The following DENND1A variants were observed in gnomAD, a reference collection of about 807,000 sequenced individuals.
The protein encoded by DENND1A is DENN domain containing 1A.
Under a neutral mutation model 113.7 loss-of-function variants are expected in DENND1A, and 51 were observed. The ratio of observed to expected loss-of-function variants is 0.45; its 90% CI spans 0.36 to 0.57. The LOEUF is 0.57. DENND1A is among the 20% of genes least tolerant of loss of function. DENND1A has a pLI of 0.00. For missense variants in DENND1A, 1,258 were observed against 1,395.9 expected, an observed-to-expected ratio of 0.90 and a Z score of 1.57; for synonymous variants, 565 against 570.8, an observed-to-expected ratio of 0.99 and a Z score of 0.14.
Position 123,522,384 on chromosome 9 carries a change from C to A in DENND1A, c.993+35186G>T, listed in dbSNP as rs147046088. On this transcript the variant is annotated intron_variant, in intron 13 of 23. Transcript: ENST00000394215. ...AAGGGAATGCTGTGCAGAGAGTGGT[C>A]GTGTGGGCAGGCCTGGTGCATGGGA... 2.0e-5 allele frequency among the ~76,000 whole-genome samples: 3 copies of A among 152,248 alleles called. No homozygotes were observed. In the South Asian group the frequency reaches 6.2e-4, roughly 32 times the overall value.
chr9:123,466,762 T>C (rs1042975717), intron 13 of DENND1A, among the ~76,000 whole-genome samples: 3 of 152,078 alleles, frequency 2.0e-5, no homozygotes, highest in African/African-American at 7.2e-5. Flanking sequence ...ATATGATAGG[T>C]TTCCTTGGTC....
At chr9:123,848,499 CA>C (rs1208108498) in intron 2 of DENND1A, among the ~76,000 whole-genome samples, 1 of 152,074 alleles carries the variant, frequency 6.6e-6, no homozygotes, top group African/African-American at 2.4e-5. Context: ...TTCCACCAAC[CA>C]GCCATTCTCC....
At chr9:123,637,919 ACACACACACACACG>A (rs1350763413) in intron 9 of DENND1A, among the ~76,000 whole-genome samples, 2 of 104,670 alleles carry the variant, frequency 1.9e-5, no homozygotes, top group African/African-American at 8.1e-5. Context: ...AAACACACAC[ACACACACACACACG>A]CACACACACA....
intron 5 of DENND1A, among the ~76,000 whole-genome samples, chr9:123,697,957 A>C (rs2065629562): frequency 6.6e-6 from 1 of 152,236 alleles, no homozygotes; most frequent in South Asian, 2.1e-4. Context: ...CTCCTGTCTT[A>C]CTTAGGCCAC....
At chr9:123,884,993 G>A (rs966445145) in intron 1 of DENND1A, among the ~76,000 whole-genome samples, 5 of 127,020 alleles carry the variant, frequency 3.9e-5, no homozygotes, top group East Asian at 2.0e-4. Context: ...CTGCGAGCGC[G>A]CGCGCACACA....
At chr9:123,868,522 T>C (rs1384175305) in intron 2 of DENND1A, among the ~76,000 whole-genome samples, 2 of 152,208 alleles carry the variant, frequency 1.3e-5, no homozygotes, top group African/African-American at 4.8e-5. Context: ...TGCCCCATTT[T>C]AGAGTTGAGA....
At chr9:123,767,306 C>T (rs2131588930) in intron 4 of DENND1A, among the ~76,000 whole-genome samples, 1 of 151,688 alleles carries the variant, frequency 6.6e-6, no homozygotes, top group Non-Finnish European at 1.5e-5. Flanking sequence ...TATCAACACC[C>T]ATAGGGTATG....
intron 2 of DENND1A, among the ~76,000 whole-genome samples, chr9:123,824,432 G>A (rs1838987454): frequency 6.6e-6 from 1 of 152,142 alleles, no homozygotes; most frequent in African/African-American, 2.4e-5. Context: ...GTTGTTTGCT[G>A]AATGCGATGT....
intron 13 of DENND1A, among the ~76,000 whole-genome samples, chr9:123,467,293 C>T (rs550541251): frequency 2.0e-5 from 3 of 152,140 alleles, no homozygotes; most frequent in African/African-American, 7.2e-5. Context: ...GATGGCGAGG[C>T]CCCATGGAGA....
At chr9:123,579,435 G>A (rs1453836077) in intron 12 of DENND1A, among the ~76,000 whole-genome samples, 1 of 152,080 alleles carries the variant, frequency 6.6e-6, no homozygotes, top group Non-Finnish European at 1.5e-5. Flanking sequence ...ATTCACTGAT[G>A]GAATAGTTTT....
intron 13 of DENND1A, among the ~76,000 whole-genome samples, chr9:123,509,112 G>C (rs1024846880): frequency 6.6e-6 from 1 of 152,162 alleles, no homozygotes; most frequent in African/African-American, 2.4e-5. Flanking sequence ...CTGTCTTAAA[G>C]GTGAGTAGGG....
chr9:123,699,688 C>CTTTTTTTTT (rs34215948), intron 5 of DENND1A, among the ~76,000 whole-genome samples: 144 of 112,426 alleles, frequency 1.3e-3, no homozygotes, highest in African/African-American at 2.3e-3. Flanking sequence ...TTCTTTCTTT[C>CTTTTTTTTT]TTTTTTTTTT....
chr9:123,785,540 C>T (rs1460022095), intron 3 of DENND1A, among the ~76,000 whole-genome samples: 1 of 152,048 alleles, frequency 6.6e-6, no homozygotes, highest in Non-Finnish European at 1.5e-5. Context: ...TTTAAACTAG[C>T]TAATTGTCAA....
At chr9:123,927,186 G>C (rs2134237245) in intron 1 of DENND1A, among the ~76,000 whole-genome samples, 1 of 152,344 alleles carries the variant, frequency 6.6e-6, no homozygotes, top group Middle Eastern at 3.4e-3. Context: ...AAACTTAAAA[G>C]AGAAGTCTGA....
intron 2 of DENND1A, chr9:123,843,007 C>T (rs776348530): frequency 6.6e-5 from 29 of 439,850 alleles, no homozygotes; most frequent in African/African-American, 1.4e-4. Flanking sequence ...CTTCCCCAAG[C>T]GAGAGAGATA....
intron 3 of DENND1A, among the ~76,000 whole-genome samples, chr9:123,771,935 T>G (rs945009798): frequency 1.3e-5 from 2 of 152,174 alleles, no homozygotes; most frequent in Admixed American, 1.3e-4. Flanking sequence ...AATATGTTCC[T>G]TCATGTTTGT....
intron 19 of DENND1A, among the ~76,000 whole-genome samples, chr9:123,438,768 A>T (rs2046707683): frequency 6.6e-6 from 1 of 152,110 alleles, no homozygotes; most frequent in South Asian, 2.1e-4. Context: ...TTTATCCCCC[A>T]CCCGTGCACA....
chr9:123,532,050 G>A (rs2055365127), intron 13 of DENND1A, among the ~76,000 whole-genome samples: 1 of 152,182 alleles, frequency 6.6e-6, no homozygotes, highest in Non-Finnish European at 1.5e-5. Context: ...TCTTGGCTAA[G>A]CTGGGGGCAA....
At chr9:123,795,239 G>C (rs12341586) in intron 2 of DENND1A, among the ~76,000 whole-genome samples, 22 of 152,124 alleles carry the variant, frequency 1.4e-4, no homozygotes, top group Non-Finnish European at 2.6e-4. Context: ...GATTCAGTCC[G>C]ATAGTTCATA....
Sources: allele counts gnomAD v4.1 joint callset (sites outside exome capture counted in the v4.1 genomes callset), GRCh38; gene constraint gnomAD v4.1.1; transcripts MANE v1.5; gene names NCBI Gene and HGNC (gene_info 2026-07-23, HGNC 2026-07-21).